Variants in PCDHGA10 observed in about 807,000 individuals in gnomAD.
The protein encoded by PCDHGA10 is protocadherin gamma subfamily A, 10.
A neutral mutation model predicts 59.5 loss-of-function variants in PCDHGA10; 42 were observed. That is an observed-to-expected ratio of 0.71 (90% CI 0.55 to 0.91). The LOEUF (loss-of-function observed/expected upper bound fraction) is 0.91. PCDHGA10 is among the 40% of genes least tolerant of loss of function. The pLI is 0.00. For synonymous variants in PCDHGA10, 511 were observed against 517.2 expected (o/e 0.99, Z 0.16); for missense variants, 1,111 against 1,198.2 (o/e 0.93, Z 1.07).
intron 1 of PCDHGA10, among the ~76,000 whole-genome samples, chr5:141,467,665 G>T (rs1205474808): frequency 4.6e-5 from 7 of 152,040 alleles, no homozygotes; most frequent in Non-Finnish European, 1.0e-4. Flanking sequence ...AGTGCCAGAA[G>T]ATTTTTATTT....
At chr5:141,470,649 C>T (rs1486535307) in intron 1 of PCDHGA10, among the ~76,000 whole-genome samples, 1 of 152,160 alleles carries the variant, frequency 6.6e-6, no homozygotes, top group African/African-American at 2.4e-5. Flanking sequence ...TTGAAGGCCC[C>T]TACCCTTTGG....
chr5:141,422,253 T>C (rs917280432), intron 1 of PCDHGA10: 58 of 1,566,438 alleles, frequency 3.7e-5, no homozygotes, highest in Non-Finnish European at 5.0e-5. Context: ...TGGATGTGAA[T>C]GATAACGCTC....
chr5:141,472,335 A>T (rs1033984936), intron 1 of PCDHGA10, among the ~76,000 whole-genome samples: 38 of 151,784 alleles, frequency 2.5e-4, no homozygotes, highest in Non-Finnish European at 2.5e-4. Context: ...AGGTTGGGAG[A>T]TCGAGACCAT....
intron 1 of PCDHGA10, among the ~76,000 whole-genome samples, chr5:141,469,045 G>C (rs35157158): frequency 1.4e-3 from 207 of 152,234 alleles, no homozygotes; most frequent in Middle Eastern, 0.01. Flanking sequence ...GGGAGGCCAA[G>C]GTGGGAGGAT....
chr5:141,454,407 T>TTTTA (rs1029547484), intron 1 of PCDHGA10, among the ~76,000 whole-genome samples: 21 of 152,236 alleles, frequency 1.4e-4, no homozygotes, highest in Admixed American at 1.2e-3. Flanking sequence ...GCTTATTCCT[T>TTTTA]TTTATTTATT....
In PCDHGA10 at chr5:141,490,889, T is replaced by G. The variant is rs568838001; in HGVS notation, c.2437-3918T>G. The G allele has an allele frequency of 6.2e-7, 1 of 1,613,406 alleles. No homozygotes were observed. Among genetic ancestry groups the G allele is most frequent in the Non-Finnish European group, 8.5e-7 (1 of 1,179,428 alleles). ...CCCCCATTGCATGCCAACACATCTCTGCATGTGTTTGTCCTAGACGAGAAT... is the reference window on the plus strand; with the variant it reads ...CCCCCATTGCATGCCAACACATCTCGGCATGTGTTTGTCCTAGACGAGAAT... On this transcript the variant is annotated intron_variant, in intron 1 of 3. Coordinates refer to ENST00000398610, the MANE Select transcript of PCDHGA10 (RefSeq NM_018913.3). This position sits in a 1 kb window ranked among gnomAD's most constrained non-coding sequence, Gnocchi z 5.4.
At chr5:141,428,293 C>G (rs1278634119) in intron 1 of PCDHGA10, 1 of 716,436 alleles carries the variant, frequency 1.4e-6, no homozygotes, top group South Asian at 1.6e-5. Flanking sequence ...AGCAAAGCTG[C>G]AGATTTACCT....
At chr5:141,504,135 C>G (rs758903340) in intron 2 of PCDHGA10, among the ~76,000 whole-genome samples, 215 of 152,306 alleles carry the variant, frequency 1.4e-3, no homozygotes, top group Middle Eastern at 3.4e-3. Context: ...CCCGCCAACA[C>G]TCCCCTGCAA....
chr5:141,476,523 C>G lies in PCDHGA10; in HGVS notation c.2437-18284C>G. On this transcript the variant is annotated intron_variant, in intron 1 of 3. Transcript: ENST00000398610. This position sits in a 1 kb window ranked among gnomAD's most constrained non-coding sequence, Gnocchi z 7.6. ...ATCAACGACAACAATCCTGCTTTCC[C>G]TACCCAGGAAATGAAATTGGAGATT... is the stretch of plus-strand genomic sequence containing the variant. 1 of 1,614,218 alleles carries G rather than the reference C, an allele frequency of 6.2e-7. No individual in the cohort carries two copies.
At chr5:141,447,163 G>T (rs11167747) in intron 1 of PCDHGA10, among the ~76,000 whole-genome samples, 6,233 of 151,894 alleles carry the variant, frequency 0.041, 196 homozygotes, top group Admixed American at 0.075. Flanking sequence ...TGTTTAAGCG[G>T]GGTCTTGCTC....
At chr5:141,434,462 C>T (rs2097695951) in intron 1 of PCDHGA10, among the ~76,000 whole-genome samples, 1 of 152,156 alleles carries the variant, frequency 6.6e-6, no homozygotes, top group Non-Finnish European at 1.5e-5. Flanking sequence ...GTGGGTTTAC[C>T]GGAATGAGGG....
chr5:141,493,937 A>G lies in PCDHGA10; in HGVS notation c.2437-870A>G, dbSNP rs931274307. Among the ~76,000 whole-genome samples the G allele has an allele frequency of 6.6e-6, 1 of 152,212 alleles. No individual in the cohort carries two copies. The highest frequency in any genetic ancestry group is 1.5e-5 in the Non-Finnish European group (1 of 68,022). ...GGATAACACACCCCCTGGAAAGACCAGAAGGGACTCAGGAATGAAGTGGCT... is the reference window on the plus strand; with the variant it reads ...GGATAACACACCCCCTGGAAAGACCGGAAGGGACTCAGGAATGAAGTGGCT... On this transcript the variant is annotated intron_variant, in intron 1 of 3. Coordinates refer to ENST00000398610, the MANE Select transcript of PCDHGA10 (RefSeq NM_018913.3). This position sits in a 1 kb window ranked among gnomAD's most constrained non-coding sequence, Gnocchi z 4.3.
In PCDHGA10 at chr5:141,486,487, C is replaced by T; in HGVS notation, c.2437-8320C>T. ...CTGGGAACCCTCCTCTCAGTACCCA[C>T]AGAACTATTTTCCTCAATATTTCAG... On this transcript the variant is annotated intron_variant, in intron 1 of 3. Coordinates refer to ENST00000398610, the MANE Select transcript of PCDHGA10 (RefSeq NM_018913.3). This position sits in a 1 kb window ranked among gnomAD's most constrained non-coding sequence, Gnocchi z 5.0. 1 of 1,614,086 alleles carries T rather than the reference C, an allele frequency of 6.2e-7. No individual in the cohort carries two copies. Among genetic ancestry groups the T allele is most frequent in the Non-Finnish European group, 8.5e-7 (1 of 1,179,918 alleles).
rs1209443921 is a variant in PCDHGA10 at position 141,415,478 on chromosome 5, GA to G, written c.2306del (p.Lys769ArgfsTer4). 1.2e-6 allele frequency: 2 copies of G among 1,613,964 alleles called. No individual in the cohort carries two copies. The highest frequency in any genetic ancestry group is 1.7e-6 in the Non-Finnish European group (2 of 1,179,958). ...SHEVSLTADSRKSHLIFPQPN... is the reference protein window; with the variant it reads ...SHEVSLTADSXKSHLIFPQPN... Reference sequence around the variant, plus strand: ...GAGGTCTCTCTCACCGCGGACTCGCGAAAGAGTCACCTGATCTTCCCCCAGC... The same window carrying G: ...GAGGTCTCTCTCACCGCGGACTCGCGAAGAGTCACCTGATCTTCCCCCAGC... On this transcript the variant is annotated frameshift_variant, in exon 1 of 4. Transcript: ENST00000398610. LOFTEE classifies it high-confidence loss of function.
At chr5:141,504,364 G>A (rs764741297) in intron 2 of PCDHGA10, among the ~76,000 whole-genome samples, 2 of 152,116 alleles carry the variant, frequency 1.3e-5, no homozygotes, top group African/African-American at 2.4e-5. Flanking sequence ...GCTTCAGTAG[G>A]AAGCAGGTGG....
chr5:141,437,355 A>C (rs2097877902), intron 1 of PCDHGA10, among the ~76,000 whole-genome samples: 1 of 152,238 alleles, frequency 6.6e-6, no homozygotes, highest in Non-Finnish European at 1.5e-5. Flanking sequence ...ATAGTACCTA[A>C]AATTGGAATG....
At chr5:141,426,665 T>A in intron 1 of PCDHGA10, 1 of 429,940 alleles carries the variant, frequency 2.3e-6, no homozygotes, top group South Asian at 1.6e-5. Context: ...ATATAAATGA[T>A]AACCCACCTC....
In PCDHGA10 at chr5:141,422,509, C is replaced by G. The variant is rs1249006816; in HGVS notation, c.2436+6898C>G. On this transcript the variant is annotated intron_variant, in intron 1 of 3. Coordinates refer to ENST00000398610, the MANE Select transcript of PCDHGA10 (RefSeq NM_018913.3). ...CAATATAACGTTGACAGCCACAGAC[C>G]AGGGAAGCCCGCCTTTGTCTGCAGA... The G allele has an allele frequency of 1.9e-6, 3 of 1,613,836 alleles. No homozygotes were observed. In the South Asian group the frequency reaches 3.3e-5, roughly 18 times the overall value.
intron 1 of PCDHGA10, chr5:141,492,013 T>G: frequency 1.6e-6 from 1 of 610,970 alleles, no homozygotes; most frequent in Non-Finnish European, 2.7e-6. Context: ...TCCGCGGGTG[T>G]CGGGGGTCCC....
Sources: allele counts gnomAD v4.1 joint callset (sites outside exome capture counted in the v4.1 genomes callset), GRCh38; gene constraint gnomAD v4.1.1; non-coding constraint Gnocchi (gnomAD v3.1); transcripts MANE v1.5; gene names NCBI Gene and HGNC (gene_info 2026-07-23, HGNC 2026-07-21).